Variants in ADGRL3 observed in about 807,000 individuals in gnomAD.
ADGRL3 encodes the protein calcium-independent alpha-latrotoxin receptor 3.
A neutral mutation model predicts 153.5 loss-of-function variants in ADGRL3; 62 were observed. That is an observed-to-expected ratio of 0.40 (90% CI 0.33 to 0.50). The LOEUF (loss-of-function observed/expected upper bound fraction) is 0.50, where lower values mean the gene tolerates loss of function less well. Ranked by LOEUF, ADGRL3 falls within the 20% of genes least tolerant of loss-of-function variation. The pLI is 0.47. For synonymous variants in ADGRL3, 710 were observed against 672.5 expected (o/e 1.06, Z -0.86); for missense variants, 1,641 against 1,859.4 (o/e 0.88, Z 2.16).
intron 17 of ADGRL3, among the ~76,000 whole-genome samples, chr4:61,972,206 G>C (rs2099030719): frequency 6.6e-6 from 1 of 152,012 alleles, no homozygotes; most frequent in Non-Finnish European, 1.5e-5. Flanking sequence ...CATTGCTTTT[G>C]GTGTTTTAGA....
At chr4:61,687,316 G>T (rs545366515) in intron 6 of ADGRL3, among the ~76,000 whole-genome samples, 1 of 151,802 alleles carries the variant, frequency 6.6e-6, no homozygotes, top group African/African-American at 2.4e-5. Flanking sequence ...GGTTATTCTG[G>T]ATTATCTGAG....
intron 1 of ADGRL3, among the ~76,000 whole-genome samples, chr4:61,292,727 G>A (rs962229184): frequency 6.6e-6 from 1 of 152,082 alleles, no homozygotes; most frequent in Non-Finnish European, 1.5e-5. Context: ...AAGCCATTGG[G>A]AAGCTGGAAG....
At chr4:61,688,824 T>G (rs1175786539) in intron 6 of ADGRL3, among the ~76,000 whole-genome samples, 3 of 152,224 alleles carry the variant, frequency 2.0e-5, no homozygotes, top group Non-Finnish European at 4.4e-5. Flanking sequence ...TGTCCCACTC[T>G]GAACCACACA....
Position 61,517,492 on chromosome 4 carries a change from C to T in ADGRL3, c.233C>T (p.Ala78Val), listed in dbSNP as rs989415788. The change falls in exon 4 of 27, where the codon GCC becomes GTC. Residue 78 changes from alanine (A) to valine (V), a missense_variant. By Grantham distance (64) the Ala-to-Val change is moderately conservative (BLOSUM62 0). This residue lies in a region of ADGRL3 where 145 missense variants were observed against 79.1 expected (regional missense o/e 1.83). Coordinates refer to ENST00000683033, the MANE Select transcript of ADGRL3 (RefSeq NM_001387552.1). Reference protein sequence around the residue: ...GATRGVRGPGAQGAQIAAQAF... With the variant: ...GATRGVRGPGVQGAQIAAQAF... ...ACCAGAGGAGTTCGCGGTCCAGGTG[C>T]CCAAGGAGCACAGATTGCAGCGCAA... 7.0e-6 allele frequency: 5 copies of T among 718,720 alleles called. No individual in the cohort carries two copies. Among genetic ancestry groups the T allele is most frequent in the Non-Finnish European group, 1.2e-5 (5 of 400,116 alleles). 44.5% of individuals were successfully genotyped at this position (718,720 alleles called of 1,614,324 possible).
intron 23 of ADGRL3, among the ~76,000 whole-genome samples, chr4:62,034,398 A>C (rs1482755977): frequency 6.6e-6 from 1 of 151,934 alleles, no homozygotes; most frequent in Non-Finnish European, 1.5e-5. Flanking sequence ...ATTTACAATA[A>C]CAAGTAATAC....
At chr4:61,863,231 CTT>C (rs1189171329) in intron 9 of ADGRL3, among the ~76,000 whole-genome samples, 1 of 80,904 alleles carries the variant, frequency 1.2e-5, no homozygotes, top group Non-Finnish European at 2.2e-5. Context: ...GGGCATCATT[CTT>C]TTTTTTTTTT....
intron 5 of ADGRL3, among the ~76,000 whole-genome samples, chr4:61,615,461 A>G (rs542357592): frequency 1.4e-4 from 21 of 152,258 alleles, no homozygotes; most frequent in Admixed American, 8.5e-4. Context: ...GCTTCAAAAA[A>G]GGGGTGATAT....
In ADGRL3 at chr4:61,909,688, A is replaced by G; in HGVS notation, c.2016A>G (p.Val672=). The part of the protein sequence containing the change: ...AMDQLVGLLD[V]QLRNLTPGGK... ...ACCAGCTGGTAGGCCTCCTAGATGTACAGCTTCGGAACTTGACCCCAGGTG... is the reference window on the plus strand; with the variant it reads ...ACCAGCTGGTAGGCCTCCTAGATGTGCAGCTTCGGAACTTGACCCCAGGTG... Residue 672 remains valine (V), a synonymous_variant, in exon 12 of 27, where the codon GTA becomes GTG. Coordinates refer to ENST00000683033, the MANE Select transcript of ADGRL3 (RefSeq NM_001387552.1). 1.3e-6 allele frequency: 2 copies of G among 1,596,648 alleles called. No homozygotes were observed. The highest frequency in any genetic ancestry group is 1.7e-4 in the Middle Eastern group (1 of 6,050).
intron 4 of ADGRL3, among the ~76,000 whole-genome samples, chr4:61,536,329 T>C (rs1002284349): frequency 3.3e-5 from 5 of 152,112 alleles, no homozygotes; most frequent in African/African-American, 9.7e-5. Context: ...GAATCTTCCA[T>C]GTGCAGATGA....
chr4:62,025,022 A>G (rs1348815097), intron 21 of ADGRL3, among the ~76,000 whole-genome samples: 1 of 151,980 alleles, frequency 6.6e-6, no homozygotes, highest in South Asian at 2.1e-4. Context: ...TAATTTCAGG[A>G]TGGTATAGTC....
intron 4 of ADGRL3, among the ~76,000 whole-genome samples, chr4:61,567,835 G>A (rs1043677494): frequency 6.6e-6 from 1 of 152,142 alleles, no homozygotes; most frequent in African/African-American, 2.4e-5. Context: ...ACTATTATCA[G>A]ATTAACTGGC....
chr4:61,930,053 G>T (rs1255049153), intron 13 of ADGRL3, among the ~76,000 whole-genome samples: 2 of 151,970 alleles, frequency 1.3e-5, no homozygotes, highest in Non-Finnish European at 2.9e-5. Context: ...ACGGGCGCCT[G>T]TAGTCCCAGC....
intron 2 of ADGRL3, among the ~76,000 whole-genome samples, chr4:61,386,721 A>G (rs1305167239): frequency 3.3e-5 from 5 of 152,178 alleles, no homozygotes; most frequent in African/African-American, 1.2e-4. Flanking sequence ...ATCAGCAAAT[A>G]TTTTTAGAAG....
chr4:61,722,473 CTT>C (rs2096259294), intron 6 of ADGRL3, among the ~76,000 whole-genome samples: 1 of 152,154 alleles, frequency 6.6e-6, no homozygotes, highest in African/African-American at 2.4e-5. Flanking sequence ...TACTCTGTCA[CTT>C]TGTACAATTC....
chr4:61,872,649 C>A (rs2098452486), intron 9 of ADGRL3, among the ~76,000 whole-genome samples: 2 of 142,976 alleles, frequency 1.4e-5, no homozygotes. Flanking sequence ...CAATGTTAAC[C>A]TTGTTTAAAA....
At position 62,002,189 on chromosome 4, in the gene ADGRL3, C is replaced by CT. The variant is rs535855470; in HGVS notation, c.3395+3926dup. 6.6e-5 allele frequency among the ~76,000 whole-genome samples: 10 copies of CT among 150,386 alleles called. No individual in the cohort carries two copies. The East Asian group carries it at 1.8e-3, about 27-fold the overall frequency. On this transcript the variant is annotated intron_variant, in intron 21 of 26. Coordinates refer to ENST00000683033, the MANE Select transcript of ADGRL3 (RefSeq NM_001387552.1). ...TCATGCAACACTCTGAGGTAAAACT[C>CT]TTCAAAAGAGCCCATTACTCTTAAC...
intron 5 of ADGRL3, among the ~76,000 whole-genome samples, chr4:61,639,387 C>A (rs2093567223): frequency 6.6e-6 from 1 of 151,682 alleles, no homozygotes; most frequent in Non-Finnish European, 1.5e-5. Flanking sequence ...TAATCATATA[C>A]AAAATTTGAA....
chr4:61,381,758 G>T (rs1308391070), intron 1 of ADGRL3, among the ~76,000 whole-genome samples: 1 of 151,954 alleles, frequency 6.6e-6, no homozygotes, highest in Non-Finnish European at 1.5e-5. Flanking sequence ...GGAAAAAAGT[G>T]ACAGCCAATA....
At chr4:61,992,364 G>T (rs2099106428) in intron 19 of ADGRL3, among the ~76,000 whole-genome samples, 1 of 152,140 alleles carries the variant, frequency 6.6e-6, no homozygotes, top group Non-Finnish European at 1.5e-5. Context: ...AGGCATGTAT[G>T]TATACACCCC....
Sources: allele counts gnomAD v4.1 joint callset (sites outside exome capture counted in the v4.1 genomes callset), GRCh38; gene constraint gnomAD v4.1.1; regional missense constraint gnomAD v4.1.1; transcripts MANE v1.5; gene names NCBI Gene and HGNC (gene_info 2026-07-23, HGNC 2026-07-21).